ABCB11: variants seen among roughly 807,000 people sequenced by gnomAD.
ABCB11 encodes ATP binding cassette subfamily B member 11, also known as bile salt export pump.
ABCB11 carries 95 observed loss-of-function variants against 148.0 expected under a neutral mutation model. That is an observed-to-expected ratio of 0.64 (90% confidence interval 0.54 to 0.76). The LOEUF (loss-of-function observed/expected upper bound fraction) is 0.76, where lower values mean the gene tolerates loss of function less well. ABCB11 is among the 30% of genes least tolerant of loss of function. ABCB11 has a pLI of 0.00. For missense variants in ABCB11, 1,523 were observed against 1,617.8 expected, an observed-to-expected ratio of 0.94 and a Z score of 1.01; for synonymous variants, 591 against 555.4, an observed-to-expected ratio of 1.06 and a Z score of -0.90.
chr2:168,990,203 G>A (rs575082163), intron 9 of ABCB11, among the ~76,000 whole-genome samples: 1 of 152,130 alleles, frequency 6.6e-6, no homozygotes, highest in East Asian at 1.9e-4. Context: ...TTAAATGTCT[G>A]GTAAAATTCA....
chr2:168,936,311 C>T lies in ABCB11; in HGVS notation c.2733G>A (p.Leu911=). The T allele has an allele frequency of 6.2e-7, 1 of 1,613,882 alleles. No individual in the cohort carries two copies. The highest frequency in any genetic ancestry group is 8.5e-7 in the Non-Finnish European group (1 of 1,179,874). The change falls in exon 22 of 28, where the codon TTG becomes TTA. Residue 911 remains leucine, a synonymous_variant. Coordinates refer to ENST00000650372, the MANE Select transcript of ABCB11 (RefSeq NM_003742.4). ...TGGTCTGTGTGGCTCCTGATAAAGC[C>T]AAGAAGGGGAAGAAGCACAAGATGA... ...SLVILCFFPF[L]ALSGATQTRM...
In ABCB11 at chr2:168,973,791, A is replaced by G. The variant is rs1693700599; in HGVS notation, c.1358T>C (p.Leu453Pro). ...MVIKPGEMTALVGPSGAGKST... is the reference protein window; with the variant it reads ...MVIKPGEMTAPVGPSGAGKST... ...TTTTCCAGCTCCACTGGGTCCTACC[A>G]GAGCTGTCATTTCCCCTGGTTTAAT... Residue 453 changes from leucine (L) to proline (P), a missense_variant, in exon 13 of 28, where the codon CTG (leucine) becomes CCG (proline). Coordinates refer to ENST00000650372, the MANE Select transcript of ABCB11 (RefSeq NM_003742.4). 6.2e-7 allele frequency: 1 copy of G among 1,612,154 alleles called. No homozygotes were observed. Among genetic ancestry groups the G allele is most frequent in the Admixed American group, 1.7e-5 (1 of 59,892 alleles).
Position 168,944,745 on chromosome 2 carries a change from C to T in ABCB11, c.2470G>A (p.Gly824Arg). Residue 824 changes from glycine to arginine, a missense_variant, in exon 21 of 28, where the codon GGG becomes AGG. By Grantham distance (125) the Gly-to-Arg change is moderately radical. Coordinates refer to ENST00000650372, the MANE Select transcript of ABCB11 (RefSeq NM_003742.4). Reference sequence around the variant, plus strand: ...CGTAGCCTTTTTGTTAGGAGCTCCCCAGATTTAGCAAAGGCATATCCCTAA... The same window carrying T: ...CGTAGCCTTTTTGTTAGGAGCTCCCTAGATTTAGCAAAGGCATATCCCTAA... ...FLQGYAFAKS[G>R]ELLTKRLRKF... The T allele has an allele frequency of 6.2e-7, 1 of 1,612,484 alleles. No individual in the cohort carries two copies.
intron 11 of ABCB11, among the ~76,000 whole-genome samples, chr2:168,978,493 C>A (rs1328424517): frequency 1.3e-5 from 2 of 151,824 alleles, no homozygotes; most frequent in African/African-American, 4.8e-5. Flanking sequence ...ATATATGAAA[C>A]CCCAAATTAT....
chr2:168,986,997 G>GT (rs1445155309), intron 9 of ABCB11, among the ~76,000 whole-genome samples: 1 of 152,064 alleles, frequency 6.6e-6, no homozygotes, highest in Non-Finnish European at 1.5e-5. Context: ...TCTATCCTAT[G>GT]TTTGTTACCA....
Sources: allele counts gnomAD v4.1 joint callset (sites outside exome capture counted in the v4.1 genomes callset), GRCh38; gene constraint gnomAD v4.1.1; transcripts MANE v1.5; gene names NCBI Gene and HGNC (gene_info 2026-07-23, HGNC 2026-07-21).